MDGA2: variants seen among roughly 807,000 people sequenced by gnomAD.
The protein encoded by MDGA2 is MAM domain containing glycosylphosphatidylinositol anchor 2.
MDGA2 carries 40 observed loss-of-function variants against 117.8 expected under a neutral mutation model. The ratio of observed to expected loss-of-function variants is 0.34; its 90% confidence interval spans 0.26 to 0.44. The LOEUF (loss-of-function observed/expected upper bound fraction) is 0.44. Ranked by LOEUF, MDGA2 falls within the 20% of genes least tolerant of loss-of-function variation. MDGA2 has a pLI of 1.00. For synonymous variants in MDGA2, 452 were observed against 439.0 expected, an observed-to-expected ratio of 1.03 and a Z score of -0.37; for missense variants, 1,123 against 1,250.6, an observed-to-expected ratio of 0.90 and a Z score of 1.54.
At position 46,992,430 on chromosome 14, in the gene MDGA2, G is replaced by C. The variant is rs143270665; in HGVS notation, c.1820-34787C>G. 7.2e-5 allele frequency among the ~76,000 whole-genome samples: 11 copies of C among 152,078 alleles called. No homozygotes were observed. The East Asian group carries it at 2.1e-3, about 29-fold the overall frequency. On this transcript the variant is annotated intron_variant, in intron 8 of 16. Coordinates refer to ENST00000399232, the MANE Select transcript of MDGA2 (RefSeq NM_001113498.3). ...TTGAACAATTTTTTTTTAAATCTCA[G>C]TTTTCTTCTTCCCATAAGGGGACAA...
intron 1 of MDGA2, among the ~76,000 whole-genome samples, chr14:47,455,539 T>C (rs781308506): frequency 1.3e-5 from 2 of 151,548 alleles, no homozygotes; most frequent in Non-Finnish European, 2.9e-5. Flanking sequence ...TGTAAAAGAG[T>C]GGCACATTAA....
chr14:47,277,977 G>C (rs2139724977), intron 2 of MDGA2, among the ~76,000 whole-genome samples: 1 of 152,164 alleles, frequency 6.6e-6, no homozygotes, highest in South Asian at 2.1e-4. Flanking sequence ...GGGATTCCAG[G>C]CATCAGCCAG....
intron 2 of MDGA2, among the ~76,000 whole-genome samples, chr14:47,251,262 GCCTCATAC>G (rs1887434708): frequency 6.6e-6 from 1 of 151,908 alleles, no homozygotes. Flanking sequence ...TTTATCTCCT[GCCTCATAC>G]ATCTCACCAA....
chr14:47,172,330 C>T lies in MDGA2; in HGVS notation c.596-28056G>A, dbSNP rs376156585. Among the ~76,000 whole-genome samples the T allele has an allele frequency of 1.6e-4, 24 of 152,176 alleles. No individual in the cohort carries two copies. The East Asian group carries it at 2.9e-3, about 19-fold the overall frequency. ...AGCACGCAGCTGGAGATCTCAGAAC[C>T]GGCAAACTGCCTCCTCAAGTGGGTC... is the stretch of plus-strand genomic sequence containing the variant. On this transcript the variant is annotated intron_variant, in intron 3 of 16. Coordinates refer to ENST00000399232, the MANE Select transcript of MDGA2 (RefSeq NM_001113498.3).
intron 3 of MDGA2, among the ~76,000 whole-genome samples, chr14:47,153,676 C>A (rs1166999801): frequency 2.9e-5 from 4 of 137,566 alleles, no homozygotes; most frequent in Non-Finnish European, 1.5e-5. Flanking sequence ...CTGGGCAGCA[C>A]TAAGTACAGG....
At chr14:47,106,362 C>G (rs1252502848) in intron 5 of MDGA2, among the ~76,000 whole-genome samples, 5 of 151,934 alleles carry the variant, frequency 3.3e-5, no homozygotes, top group Non-Finnish European at 1.5e-5. Flanking sequence ...TGAGACAAAC[C>G]CCAGCCACAT....
chr14:46,865,998 A>T (rs1253207298), intron 14 of MDGA2, among the ~76,000 whole-genome samples: 1 of 151,578 alleles, frequency 6.6e-6, no homozygotes, highest in East Asian at 1.9e-4. Context: ...TGCCATCCCC[A>T]TCAAGCTACC....
At chr14:46,950,414 T>C (rs912541448) in intron 9 of MDGA2, among the ~76,000 whole-genome samples, 27 of 151,974 alleles carry the variant, frequency 1.8e-4, no homozygotes, top group Non-Finnish European at 2.7e-4. Context: ...AGTAGGGTTG[T>C]TGGAGATGAT....
At chr14:47,594,455 T>C (rs1896498429) in intron 1 of MDGA2, among the ~76,000 whole-genome samples, 1 of 152,188 alleles carries the variant, frequency 6.6e-6, no homozygotes, top group South Asian at 2.1e-4. Context: ...CAGATTTCTC[T>C]GAAGGACCCA....
chr14:47,205,911 G>C (rs1055299360), intron 3 of MDGA2, among the ~76,000 whole-genome samples: 1 of 151,990 alleles, frequency 6.6e-6, no homozygotes, highest in Non-Finnish European at 1.5e-5. Context: ...CTGCGACACA[G>C]AAGTCATTTG....
chr14:47,670,457 G>T (rs1566568048), intron 1 of MDGA2, among the ~76,000 whole-genome samples: 1 of 152,124 alleles, frequency 6.6e-6, no homozygotes, highest in Non-Finnish European at 1.5e-5. Context: ...CAACTGATAA[G>T]TTTACAGGAG....
intron 8 of MDGA2, among the ~76,000 whole-genome samples, chr14:47,020,452 A>T (rs550485142): frequency 3.9e-5 from 6 of 152,332 alleles, no homozygotes; most frequent in African/African-American, 1.4e-4. Context: ...AGAATTCTAG[A>T]GAAAACCAAT....
chr14:47,581,284 A>G (rs1896223481), intron 1 of MDGA2, among the ~76,000 whole-genome samples: 1 of 151,970 alleles, frequency 6.6e-6, no homozygotes, highest in Non-Finnish European at 1.5e-5. Flanking sequence ...AAAAAGCATC[A>G]TTTCCACATT....
rs538346991 is a variant in MDGA2, at chr14:47,500,529, T to C, written c.280+173988A>G. 2.0e-5 allele frequency among the ~76,000 whole-genome samples: 3 copies of C among 152,236 alleles called. No homozygotes were observed. The East Asian group carries it at 5.8e-4, about 29-fold the overall frequency. Reference sequence around the variant, plus strand: ...TACTAATTCTCACTTGAACCAGTGCTTCCCAGAGAAATAGCTGACTTTTGG... The same window carrying C: ...TACTAATTCTCACTTGAACCAGTGCCTCCCAGAGAAATAGCTGACTTTTGG... On this transcript the variant is annotated intron_variant, in intron 1 of 16. Transcript: ENST00000399232.
At chr14:47,165,499 T>C (rs1883833783) in intron 3 of MDGA2, among the ~76,000 whole-genome samples, 1 of 152,158 alleles carries the variant, frequency 6.6e-6, no homozygotes, top group East Asian at 1.9e-4. Flanking sequence ...GTATAACTCC[T>C]TCAGGACTGT....
At chr14:47,474,849 C>G (rs1893803414) in intron 1 of MDGA2, among the ~76,000 whole-genome samples, 1 of 152,092 alleles carries the variant, frequency 6.6e-6, no homozygotes, top group South Asian at 2.1e-4. Flanking sequence ...AGATTAAAGA[C>G]TTAAATGTAA....
At chr14:47,436,682 C>A (rs753168239) in intron 1 of MDGA2, among the ~76,000 whole-genome samples, 1 of 152,024 alleles carries the variant, frequency 6.6e-6, no homozygotes, top group Non-Finnish European at 1.5e-5. Flanking sequence ...CTAAAGATAG[C>A]TGATGAGGTA....
At chr14:47,635,852 G>C (rs1380365407) in intron 1 of MDGA2, among the ~76,000 whole-genome samples, 2 of 152,062 alleles carry the variant, frequency 1.3e-5, no homozygotes, top group Admixed American at 6.5e-5. Flanking sequence ...TACAAGCAGT[G>C]TGTGAATATC....
At chr14:47,294,002 CATGTAACCATGAACTTAATA>C (rs1372417426) in intron 2 of MDGA2, among the ~76,000 whole-genome samples, 3 of 151,244 alleles carry the variant, frequency 2.0e-5, no homozygotes, top group East Asian at 3.9e-4. Flanking sequence ...TACATTTATT[CATGTAACCATGAACTTAATA>C]AAGATGTACA....
Sources: gnomAD v4.1 joint callset for allele counts (sites outside exome capture counted in the v4.1 genomes callset) on GRCh38, gnomAD v4.1.1 for gene constraint, MANE v1.5 for transcripts, NCBI Gene and HGNC (gene_info 2026-07-23, HGNC 2026-07-21) for gene names.